Variants in TUSC3 observed in about 807,000 individuals in gnomAD.
TUSC3 encodes dolichyl-diphosphooligosaccharide--protein glycosyltransferase subunit TUSC3.
Under a neutral mutation model 44.8 loss-of-function variants are expected in TUSC3, and 45 were observed. The ratio of observed to expected loss-of-function variants is 1.00; its 90% CI spans 0.79 to 1.29. The LOEUF (loss-of-function observed/expected upper bound fraction) is 1.29, where lower values mean the gene tolerates loss of function less well. Ranked by LOEUF, TUSC3 falls within the 50% of genes most tolerant of loss-of-function variation. The pLI is 0.00. For missense variants in TUSC3, 519 were observed against 437.9 expected (o/e 1.19, Z -1.65); for synonymous variants, 212 against 152.9 (o/e 1.39, Z -2.85).
chr8:15,565,851 T>C (rs1186075987), intron 1 of TUSC3, among the ~76,000 whole-genome samples: 2 of 152,062 alleles, frequency 1.3e-5, no homozygotes. Flanking sequence ...TGTGGTACAG[T>C]CTCCTTAATC....
chr8:15,641,319 C>T (rs546818718), intron 2 of TUSC3, among the ~76,000 whole-genome samples: 3 of 148,674 alleles, frequency 2.0e-5, no homozygotes, highest in African/African-American at 5.0e-5. Flanking sequence ...CAAGATTGTG[C>T]CACTGCACTC....
chr8:15,508,457 C>CTTTTT (rs1200727081), intron 2 of TUSC3, among the ~76,000 whole-genome samples: 2,050 of 79,502 alleles, frequency 0.026, 174 homozygotes, highest in African/African-American at 0.045. Context: ...TCGAAGCTTC[C>CTTTTT]TTTTTTTTTT....
At chr8:15,530,654 T>A (rs1443170250) in intron 2 of TUSC3, among the ~76,000 whole-genome samples, 1 of 152,198 alleles carries the variant, frequency 6.6e-6, no homozygotes, top group Non-Finnish European at 1.5e-5. Context: ...GTTCCTCTAT[T>A]CAAAGTGTTT....
intron 1 of TUSC3, among the ~76,000 whole-genome samples, chr8:15,448,331 C>G (rs1403351009): frequency 2.6e-5 from 4 of 151,762 alleles, no homozygotes; most frequent in African/African-American, 9.7e-5. Flanking sequence ...ATTGGCAAGG[C>G]TGGTCTCAAA....
At chr8:15,531,033 A>G (rs866246846) in intron 2 of TUSC3, among the ~76,000 whole-genome samples, 4 of 152,060 alleles carry the variant, frequency 2.6e-5, no homozygotes, top group African/African-American at 7.2e-5. Flanking sequence ...CATGTGTATA[A>G]CTCCAGTAAA....
chr8:15,432,192 C>G (rs1174412074), intron 1 of TUSC3, among the ~76,000 whole-genome samples: 1 of 152,014 alleles, frequency 6.6e-6, no homozygotes, highest in East Asian at 1.9e-4. Flanking sequence ...GGCATTCATT[C>G]TTCTATAACT....
chr8:15,555,956 C>A (rs1802246377), intron 1 of TUSC3, among the ~76,000 whole-genome samples: 1 of 151,088 alleles, frequency 6.6e-6, no homozygotes, highest in African/African-American at 2.4e-5. Context: ...TGATCAAAAC[C>A]ATTAGAAAAT....
intron 1 of TUSC3, among the ~76,000 whole-genome samples, chr8:15,559,373 T>A (rs1395156667): frequency 6.7e-6 from 1 of 148,954 alleles, no homozygotes; most frequent in East Asian, 2.0e-4. Flanking sequence ...ACAGACAGTT[T>A]GTTATAATTT....
intron 1 of TUSC3, among the ~76,000 whole-genome samples, chr8:15,448,117 A>ATATATATATATATATATATTTATTTATT (rs1276079521): frequency 0.029 from 2,746 of 93,736 alleles, 102 homozygotes; most frequent in Middle Eastern, 0.043. Context: ...ACATATATAT[A>ATATATATATATATATATATTTATTTATT]TATTTATTTA....
At chr8:15,743,990 G>A (rs1177431044) in intron 8 of TUSC3, among the ~76,000 whole-genome samples, 3 of 152,146 alleles carry the variant, frequency 2.0e-5, no homozygotes, top group African/African-American at 4.8e-5. Flanking sequence ...TCTGCTACAA[G>A]AATCAGGGGT....
intron 1 of TUSC3, among the ~76,000 whole-genome samples, chr8:15,456,231 G>A (rs962832563): frequency 4.6e-5 from 7 of 152,238 alleles, no homozygotes; most frequent in Middle Eastern, 3.4e-3. Flanking sequence ...TGGCATGACT[G>A]GCCTCATGTG....
chr8:15,837,218 CTTT>C, the TUSC3 span, among the ~76,000 whole-genome samples: 1 of 151,382 alleles, frequency 6.6e-6, no homozygotes, highest in Non-Finnish European at 1.5e-5. Flanking sequence ...GGGATTATGT[CTTT>C]TTTTTTAAAA....
chr8:15,425,298 A>C (rs567864112), intron 1 of TUSC3, among the ~76,000 whole-genome samples: 1 of 152,138 alleles, frequency 6.6e-6, no homozygotes, highest in Non-Finnish European at 1.5e-5. Context: ...TGTGTTGCCA[A>C]CCTCCACAGT....
intron 1 of TUSC3, among the ~76,000 whole-genome samples, chr8:15,471,996 GAAA>G (rs889051324): frequency 1.5e-4 from 22 of 151,308 alleles, no homozygotes; most frequent in Admixed American, 3.3e-4. Flanking sequence ...ATGTGCACAA[GAAA>G]AAAAATGATT....
chr8:15,723,489 G>A (rs976937270), intron 6 of TUSC3, among the ~76,000 whole-genome samples: 2 of 152,102 alleles, frequency 1.3e-5, no homozygotes, highest in East Asian at 3.9e-4. Flanking sequence ...CCAACAAGTG[G>A]CATTTTTTGT....
chr8:15,472,788 A>G (rs1800511519), intron 1 of TUSC3, among the ~76,000 whole-genome samples: 1 of 152,198 alleles, frequency 6.6e-6, no homozygotes, highest in Non-Finnish European at 1.5e-5. Context: ...ATTATGGTGT[A>G]GAAATATTTT....
At chr8:15,571,391 A>T (rs1216129046) in intron 1 of TUSC3, among the ~76,000 whole-genome samples, 3 of 152,210 alleles carry the variant, frequency 2.0e-5, no homozygotes, top group East Asian at 3.8e-4. Context: ...TTGGTTTCTC[A>T]GTGCATTTAG....
chr8:15,589,771 A>G (rs1278048949), intron 1 of TUSC3, among the ~76,000 whole-genome samples: 3 of 152,180 alleles, frequency 2.0e-5, no homozygotes, highest in African/African-American at 7.2e-5. Context: ...AGCCTTAGAC[A>G]ACTTAAGTAA....
Position 15,466,904 on chromosome 8 carries a change from G to A in TUSC3, n.92-16482G>A, listed in dbSNP as rs185686445. Among the ~76,000 whole-genome samples the A allele has an allele frequency of 1.6e-3, 241 of 152,044 alleles. 1 individual carries two copies. Among genetic ancestry groups the A allele is most frequent in the Non-Finnish European group, 2.0e-3 (138 of 67,932 alleles). On this transcript the variant is annotated intron_variant and non_coding_transcript_variant, in intron 1 of 5. Coordinates refer to the TUSC3 transcript ENST00000503191. Reference sequence around the variant, plus strand: ...TTGATAATTGAATATTGTTTCTTTCGTCCTTTTATGTAAAAGATTTCTTTC... The same window carrying A: ...TTGATAATTGAATATTGTTTCTTTCATCCTTTTATGTAAAAGATTTCTTTC...
Sources: allele counts gnomAD v4.1 joint callset (sites outside exome capture counted in the v4.1 genomes callset), GRCh38; gene constraint gnomAD v4.1.1; transcripts MANE v1.5; gene names NCBI Gene and HGNC (gene_info 2026-07-23, HGNC 2026-07-21).